Variants in SAP18 observed in about 807,000 individuals in gnomAD.
The protein encoded by SAP18 is Sin3A associated protein 18, also known as histone deacetylase complex subunit SAP18.
In SAP18, 4 loss-of-function variants were observed where a neutral mutation model predicts 18.6. The observed-to-expected ratio is 0.21, with a 90% CI of 0.11 to 0.49. The LOEUF is 0.49. Ranked by LOEUF, SAP18 falls within the 20% of genes least tolerant of loss-of-function variation. The pLI is 0.98. For missense variants in SAP18, 170 were observed against 226.4 expected (o/e 0.75, Z 1.60); for synonymous variants, 112 against 82.8 (o/e 1.35, Z -1.92).
chr13:21,143,463 G>A (rs533859466), intron 2 of SAP18, among the ~76,000 whole-genome samples: 5 of 152,282 alleles, frequency 3.3e-5, no homozygotes, highest in Admixed American at 3.3e-4. Context: ...CATCACTCAA[G>A]GGTAAGTGTT....
rs769516459 is a variant in SAP18, at chr13:21,140,586, C to A, written c.34C>A (p.Arg12Ser). 44 of 1,605,602 alleles carry A rather than the reference C, an allele frequency of 2.7e-5. No individual in the cohort carries two copies. In the South Asian group the frequency reaches 4.2e-4, roughly 15 times the overall value. ...TGCAGGGGTCGGAGGTCAGGGCGAG[C>A]GTCTCGCAGGCCGTAGGAGGAAGAT... The change falls in exon 1 of 4, where the codon CGT becomes AGT. Residue 12 changes from arginine (R) to serine (S), a missense_variant. Arg to Ser is a moderately radical substitution (Grantham distance 110). Transcript: ENST00000621421.
chr13:21,147,120 C>A, intron 3 of SAP18, 66 bp from the exon 4 acceptor site: 1 of 1,516,362 alleles, frequency 6.6e-7, no homozygotes, highest in Non-Finnish European at 8.9e-7. Context: ...GTGCCATATT[C>A]ACTTTGTAGT....
chr13:21,145,626 C>G lies in SAP18; in HGVS notation c.240-1179C>G, dbSNP rs536361732. 3.9e-5 allele frequency among the ~76,000 whole-genome samples: 6 copies of G among 152,298 alleles called. No individual in the cohort carries two copies. In the South Asian group the frequency reaches 1.2e-3, roughly 32 times the overall value. ...GGTCAAGCGATTCTCTTGTCTCAGCCTCTCGAGTAGCTGGGATTATAGGCT... is the reference window on the plus strand; with the variant it reads ...GGTCAAGCGATTCTCTTGTCTCAGCGTCTCGAGTAGCTGGGATTATAGGCT... On this transcript the variant is annotated intron_variant, in intron 2 of 3. Transcript: ENST00000621421.
intron 2 of SAP18, 105 bp downstream of exon 2, chr13:21,141,100 C>T: frequency 1.3e-6 from 1 of 775,886 alleles, no homozygotes; most frequent in Non-Finnish European, 2.2e-6. Flanking sequence ...AATTTCATTT[C>T]TCCACTTGGG....
At chr13:21,143,178 T>G (rs1056369557) in intron 2 of SAP18, among the ~76,000 whole-genome samples, 6 of 152,224 alleles carry the variant, frequency 3.9e-5, no homozygotes, top group Non-Finnish European at 7.3e-5. Flanking sequence ...GCTGTGAACA[T>G]TGGCATACAA....
chr13:21,144,749 A>G (rs1869588027), intron 2 of SAP18, among the ~76,000 whole-genome samples: 1 of 152,198 alleles, frequency 6.6e-6, no homozygotes, highest in South Asian at 2.1e-4. Flanking sequence ...TAGTGATGAA[A>G]AAGCAACACT....
chr13:21,149,024 TA>T (rs1869754603), exon 4 of SAP18: 1 of 152,162 alleles, frequency 6.6e-6, no homozygotes. Flanking sequence ...TGGCTTTGAG[TA>T]ATAACTGAGC....
At chr13:21,148,566 A>C (rs1276342745) in exon 4 of SAP18, 1 of 152,188 alleles carries the variant, frequency 6.6e-6, no homozygotes, top group Admixed American at 6.5e-5. Context: ...TTAAAATCTG[A>C]TGATTCTGTG....
At chr13:21,140,127 C>A (rs185979033), upstream of SAP18, among the ~76,000 whole-genome samples, 1 of 152,172 alleles carries the variant, frequency 6.6e-6, no homozygotes, top group Non-Finnish European at 1.5e-5. Context: ...CTAAGCCACC[C>A]GAACTGTGTG....
At chr13:21,148,674 A>G (rs1279463860) in exon 4 of SAP18, 3 of 149,206 alleles carry the variant, frequency 2.0e-5, no homozygotes, top group African/African-American at 5.0e-5. Flanking sequence ...TAGGTTGTTT[A>G]TTCATTCAGA....
At chr13:21,144,770 A>G (rs902657017) in intron 2 of SAP18, among the ~76,000 whole-genome samples, 3 of 152,160 alleles carry the variant, frequency 2.0e-5, no homozygotes, top group South Asian at 2.1e-4. Context: ...TGGCACTCCA[A>G]TTGTTGGTCT....
At chr13:21,141,147 T>C in intron 2 of SAP18, 152 bp downstream of exon 2, 1 of 619,280 alleles carries the variant, frequency 1.6e-6, no homozygotes, top group Non-Finnish European at 2.9e-6. Context: ...TAGAAGTTTT[T>C]GTTGTTAGGT....
intron 2 of SAP18, among the ~76,000 whole-genome samples, chr13:21,142,290 A>AG (rs1869496514): frequency 1.3e-5 from 2 of 151,310 alleles, no homozygotes; most frequent in South Asian, 4.2e-4. Context: ...CTGTCTCAAA[A>AG]TATATATGTG....
chr13:21,144,553 A>G (rs1264258306), intron 2 of SAP18, among the ~76,000 whole-genome samples: 3 of 152,104 alleles, frequency 2.0e-5, no homozygotes, highest in African/African-American at 7.2e-5. Flanking sequence ...AACTAATAGA[A>G]TCAGGCCTCC....
At chr13:21,147,277 T>C (rs1269275953) in exon 4 of SAP18, 3 of 1,614,150 alleles carry the variant, frequency 1.9e-6, no homozygotes, top group East Asian at 2.2e-5. Flanking sequence ...AGGAGATTAC[T>C]TGGACATAGC....
chr13:21,146,219 C>T (rs1869645178), intron 2 of SAP18, among the ~76,000 whole-genome samples: 2 of 152,058 alleles, frequency 1.3e-5, no homozygotes, highest in Non-Finnish European at 2.9e-5. Context: ...TGGTGGTGGG[C>T]GTCTGTAATC....
At chr13:21,144,248 T>C (rs1869563351) in intron 2 of SAP18, among the ~76,000 whole-genome samples, 1 of 151,620 alleles carries the variant, frequency 6.6e-6, no homozygotes, top group Non-Finnish European at 1.5e-5. Context: ...CTGCTAAAAA[T>C]ACAAAAATTA....
At chr13:21,140,199 G>A (rs980734369), upstream of SAP18, among the ~76,000 whole-genome samples, 3 of 152,132 alleles carry the variant, frequency 2.0e-5, no homozygotes, top group African/African-American at 7.2e-5. Context: ...CTTACCTCAG[G>A]GGCTGGTATC....
At chr13:21,146,741 A>T in intron 2 of SAP18, 64 bp from the exon 3 acceptor site, 1 of 1,289,300 alleles carries the variant, frequency 7.8e-7, no homozygotes, top group South Asian at 1.4e-5. Context: ...CATTGTTAGT[A>T]TCCCTTTTAA....
Sources: gnomAD v4.1 joint callset for allele counts (sites outside exome capture counted in the v4.1 genomes callset) on GRCh38, gnomAD v4.1.1 for gene constraint, MANE v1.5 for transcripts, NCBI Gene and HGNC (gene_info 2026-07-23, HGNC 2026-07-21) for gene names.